CBLB: variants seen among roughly 807,000 people sequenced by gnomAD.
CBLB encodes the protein Cbl proto-oncogene B.
A neutral mutation model predicts 104.9 loss-of-function variants in CBLB; 31 were observed. The observed-to-expected ratio is 0.30, with a 90% CI of 0.22 to 0.40. The LOEUF is 0.40. Ranked by LOEUF, CBLB falls within the 10% of genes least tolerant of loss-of-function variation. The pLI is 1.00. For missense variants in CBLB, 1,062 were observed against 1,214.6 expected, an observed-to-expected ratio of 0.87 and a Z score of 1.87; for synonymous variants, 440 against 422.6, an observed-to-expected ratio of 1.04 and a Z score of -0.51.
chr3:105,862,156 C>T (rs35533252), intron 2 of CBLB, among the ~76,000 whole-genome samples: 2 of 152,144 alleles, frequency 1.3e-5, no homozygotes, highest in Admixed American at 6.5e-5. Flanking sequence ...ATTCTTCCTC[C>T]GAAATCTCTG....
chr3:105,781,191 A>C (rs2080219860), intron 3 of CBLB, among the ~76,000 whole-genome samples: 1 of 152,140 alleles, frequency 6.6e-6, no homozygotes, highest in South Asian at 2.1e-4. Context: ...TTCATCCTGG[A>C]TTCTGTCACC....
intron 12 of CBLB, among the ~76,000 whole-genome samples, chr3:105,699,068 T>C (rs941119068): frequency 3.9e-5 from 6 of 152,120 alleles, no homozygotes; most frequent in African/African-American, 1.2e-4. Context: ...ACCACTGGCT[T>C]TAGTGTTAGA....
intron 3 of CBLB, among the ~76,000 whole-genome samples, chr3:105,802,637 T>C (rs1022461789): frequency 1.3e-5 from 2 of 152,190 alleles, no homozygotes; most frequent in Non-Finnish European, 2.9e-5. Context: ...CTTGCCCCTA[T>C]GTTTTGGGAG....
intron 16 of CBLB, 146 bp downstream of exon 16, chr3:105,681,333 A>C: frequency 1.4e-6 from 1 of 717,660 alleles, no homozygotes. Flanking sequence ...TGAACTTGGG[A>C]GTCACCGGCA....
rs79356482 is a variant in CBLB, at chr3:105,707,717, G to A, written c.1408-3544C>T. Among the ~76,000 whole-genome samples, 1,162 of 151,458 alleles carry A rather than the reference G, an allele frequency of 7.7e-3. 20 individuals carry two copies. Among genetic ancestry groups the A allele is most frequent in the African/African-American group, 0.026 (1,066 of 41,360 alleles). ...TTTTCCTTCCTATTTGAAAGTCTAC[G>A]GAAAAAAAGGAAATCTAGCACAATG... On this transcript the variant is annotated intron_variant, in intron 10 of 18. Transcript: ENST00000394030.
intron 2 of CBLB, among the ~76,000 whole-genome samples, chr3:105,861,699 A>C: frequency 6.6e-6 from 1 of 150,978 alleles, no homozygotes; most frequent in Non-Finnish European, 1.5e-5. Context: ...ACACACACAC[A>C]CACACACATA....
At chr3:105,838,310 C>G (rs1303260693) in intron 3 of CBLB, among the ~76,000 whole-genome samples, 1 of 126,180 alleles carries the variant, frequency 7.9e-6, no homozygotes, top group African/African-American at 3.0e-5. Context: ...ACCCAGGCTC[C>G]TAACACCATT....
intron 12 of CBLB, among the ~76,000 whole-genome samples, chr3:105,696,070 A>G (rs965960215): frequency 4.0e-5 from 6 of 151,648 alleles, no homozygotes; most frequent in Admixed American, 6.6e-5. Flanking sequence ...ATATATACAT[A>G]CATACATATA....
chr3:105,868,084 C>G, intron 1 of CBLB: 1 of 528,274 alleles, frequency 1.9e-6, no homozygotes, highest in South Asian at 6.2e-5. Context: ...GATTATCCTA[C>G]ACAAACGTAA....
At chr3:105,703,010 T>C (rs748891541) in intron 11 of CBLB, among the ~76,000 whole-genome samples, 3 of 152,224 alleles carry the variant, frequency 2.0e-5, no homozygotes, top group African/African-American at 2.4e-5. Context: ...AGATCACAAG[T>C]AACAGAGCAG....
chr3:105,859,461 C>T (rs1227465909), intron 2 of CBLB, among the ~76,000 whole-genome samples: 5 of 152,110 alleles, frequency 3.3e-5, no homozygotes, highest in Admixed American at 3.3e-4. Context: ...AACATCTTGG[C>T]TAACACGGTG....
chr3:105,844,726 C>G (rs2090015726), intron 3 of CBLB, among the ~76,000 whole-genome samples: 1 of 152,194 alleles, frequency 6.6e-6, no homozygotes, highest in Non-Finnish European at 1.5e-5. Flanking sequence ...ATTTTACACC[C>G]TACCCAATTA....
intron 9 of CBLB, among the ~76,000 whole-genome samples, chr3:105,730,676 G>T (rs1247397029): frequency 6.6e-6 from 1 of 152,184 alleles, no homozygotes; most frequent in South Asian, 2.1e-4. Context: ...TATTAATGAT[G>T]AGCTGCTTTG....
intron 5 of CBLB, among the ~76,000 whole-genome samples, chr3:105,750,982 T>A (rs1240649830): frequency 6.6e-6 from 1 of 152,212 alleles, no homozygotes; most frequent in Non-Finnish European, 1.5e-5. Context: ...ATTTACAAAA[T>A]AAGTACAGGA....
intron 9 of CBLB, among the ~76,000 whole-genome samples, chr3:105,723,288 T>A (rs1191770771): frequency 6.6e-6 from 1 of 152,182 alleles, no homozygotes; most frequent in Admixed American, 6.5e-5. Context: ...TCAAATAATA[T>A]GCATTAATGG....
At chr3:105,797,717 A>C (rs1240440166) in intron 3 of CBLB, among the ~76,000 whole-genome samples, 1 of 152,262 alleles carries the variant, frequency 6.6e-6, no homozygotes, top group African/African-American at 2.4e-5. Flanking sequence ...GATGGCATGT[A>C]CAACAATGTA....
rs1370697396 is a variant in CBLB at position 105,659,316 on chromosome 3, A to G, written c.2690-87T>C. The stretch of plus-strand genomic sequence containing the variant: ...ACATAACAGCATTATCTCATTTCCT[A>G]TGGAAATATTATTTCTTGTTTTCTT... On this transcript the variant is annotated intron_variant, in intron 18 of 18. Transcript: ENST00000394030. 7.0e-6 allele frequency: 9 copies of G among 1,282,016 alleles called. No homozygotes were observed. In the Admixed American group the frequency reaches 9.0e-5, roughly 13 times the overall value. The allele number at this position is 1,282,016 out of a possible 1,614,324, so 79.4% of individuals were successfully genotyped here.
intron 18 of CBLB, among the ~76,000 whole-genome samples, chr3:105,663,384 G>A (rs1311257005): frequency 6.6e-6 from 1 of 152,126 alleles, no homozygotes; most frequent in Admixed American, 6.6e-5. Flanking sequence ...GAAAGAGCAG[G>A]GATGAGGAGG....
At chr3:105,684,112 C>A (rs2066683196) in intron 14 of CBLB, among the ~76,000 whole-genome samples, 1 of 152,210 alleles carries the variant, frequency 6.6e-6, no homozygotes. Context: ...GGAAATGGCA[C>A]ACTAAGTAAA....
Sources: allele counts gnomAD v4.1 joint callset (sites outside exome capture counted in the v4.1 genomes callset), GRCh38; gene constraint gnomAD v4.1.1; transcripts MANE v1.5; gene names NCBI Gene and HGNC (gene_info 2026-07-23, HGNC 2026-07-21).